The following ZNF280D variants were observed in gnomAD, a reference collection of about 807,000 sequenced individuals.
ZNF280D encodes the protein zinc finger protein 280D.
In ZNF280D, 39 loss-of-function variants were observed where a neutral mutation model predicts 94.7. That is an observed-to-expected ratio of 0.41 (90% CI 0.32 to 0.54). ZNF280D has a LOEUF of 0.54. Among genes scored for constraint, ZNF280D ranks in the 20% least tolerant of loss-of-function variants. The pLI, the probability that ZNF280D is intolerant of heterozygous loss-of-function variation, is 0.22. For synonymous variants in ZNF280D, 398 were observed against 377.6 expected (o/e 1.05, Z -0.63); for missense variants, 1,090 against 1,149.3 (o/e 0.95, Z 0.75).
chr15:56,669,902 A>ATAAT (rs1491164823), intron 13 of ZNF280D, among the ~76,000 whole-genome samples: 1 of 2,734 alleles, frequency 3.7e-4, no homozygotes, highest in Non-Finnish European at 7.5e-4. Context: ...ATATATATAT[A>ATAAT]ATATATATAT....
At position 56,724,263 on chromosome 15, in the gene ZNF280D, C is replaced by T. The variant is rs78632313; in HGVS notation, c.-86+9195G>A. ...TGCTTTCATCTCTTCAATAAAGAGC[C>T]CCCAAATTAACAATTTACTAAAATA... On this transcript the variant is annotated intron_variant, in intron 1 of 21. Transcript: ENST00000267807. Among the ~76,000 whole-genome samples, 554 of 152,242 alleles carry T rather than the reference C, an allele frequency of 3.6e-3. 3 individuals are homozygous for T. The highest frequency in any genetic ancestry group is 0.013 in the African/African-American group (530 of 41,520).
chr15:56,674,154 G>C (rs1771484411), intron 13 of ZNF280D, among the ~76,000 whole-genome samples: 1 of 152,018 alleles, frequency 6.6e-6, no homozygotes, highest in East Asian at 1.9e-4. Context: ...GAAAGCAAGA[G>C]ATTAACAGAG....
intron 1 of ZNF280D, among the ~76,000 whole-genome samples, chr15:56,727,914 T>C (rs2141487812): frequency 6.6e-6 from 1 of 152,312 alleles, no homozygotes; most frequent in East Asian, 1.9e-4. Flanking sequence ...TCTCATCCAG[T>C]GGGAAGAACT....
intron 3 of ZNF280D, among the ~76,000 whole-genome samples, chr15:56,706,707 T>C (rs1269466574): frequency 1.3e-5 from 2 of 152,180 alleles, no homozygotes; most frequent in African/African-American, 4.8e-5. Context: ...TACAAAGGTC[T>C]TCCTTGTTCT....
intron 1 of ZNF280D, among the ~76,000 whole-genome samples, chr15:56,715,222 T>C (rs1480413067): frequency 2.6e-5 from 4 of 152,196 alleles, no homozygotes; most frequent in Non-Finnish European, 5.9e-5. Flanking sequence ...GGAAATACCC[T>C]ATCATGGAAG....
chr15:56,675,913 T>C (rs2055198663), intron 13 of ZNF280D, among the ~76,000 whole-genome samples: 1 of 152,052 alleles, frequency 6.6e-6, no homozygotes, highest in South Asian at 2.1e-4. Flanking sequence ...ACTGTTGTTC[T>C]TTCAAGCACG....
At chr15:56,727,820 G>A (rs2058701328) in intron 1 of ZNF280D, among the ~76,000 whole-genome samples, 1 of 152,124 alleles carries the variant, frequency 6.6e-6, no homozygotes, top group Non-Finnish European at 1.5e-5. Flanking sequence ...CTGAGTCCTT[G>A]GATGAGTTAC....
intron 13 of ZNF280D, among the ~76,000 whole-genome samples, chr15:56,670,960 G>A (rs553955577): frequency 4.0e-5 from 6 of 151,790 alleles, no homozygotes; most frequent in South Asian, 2.1e-4. Flanking sequence ...TCATATCATT[G>A]TTGGCCGCAT....
At chr15:56,638,107 C>A (rs1298056379) in intron 20 of ZNF280D, among the ~76,000 whole-genome samples, 1 of 152,014 alleles carries the variant, frequency 6.6e-6, no homozygotes, top group Admixed American at 6.6e-5. Flanking sequence ...ACAAAGTGAG[C>A]CTGTCATATC....
At chr15:56,660,036 T>C (rs1456187345) in intron 16 of ZNF280D, among the ~76,000 whole-genome samples, 2 of 152,172 alleles carry the variant, frequency 1.3e-5, no homozygotes, top group Non-Finnish European at 2.9e-5. Flanking sequence ...AATAGTCATT[T>C]CTTCAACCTA....
chr15:56,647,617 C>G (rs1174543238), intron 19 of ZNF280D, among the ~76,000 whole-genome samples: 1 of 152,126 alleles, frequency 6.6e-6, no homozygotes, highest in Non-Finnish European at 1.5e-5. Flanking sequence ...CTGTAACCTC[C>G]ACATCCCAGG....
At chr15:56,695,405 T>C (rs1178301148) in intron 6 of ZNF280D, among the ~76,000 whole-genome samples, 1 of 152,110 alleles carries the variant, frequency 6.6e-6, no homozygotes, top group Admixed American at 6.5e-5. Flanking sequence ...TATTCCATTT[T>C]TAAGAATTTA....
intron 16 of ZNF280D, among the ~76,000 whole-genome samples, chr15:56,658,751 C>T (rs1306368697): frequency 2.0e-5 from 3 of 152,032 alleles, no homozygotes; most frequent in African/African-American, 4.8e-5. Flanking sequence ...AAAGGAAATA[C>T]TGAGAATTAA....
intron 1 of ZNF280D, among the ~76,000 whole-genome samples, chr15:56,712,906 A>G (rs879525303): frequency 4.0e-5 from 6 of 151,890 alleles, no homozygotes; most frequent in South Asian, 2.1e-4. Flanking sequence ...ATGCCCAACT[A>G]ATTTTGTATT....
At chr15:56,732,890 G>A (rs2058968527) in intron 1 of ZNF280D, 1 of 152,164 alleles carries the variant, frequency 6.6e-6, no homozygotes, top group Non-Finnish European at 1.5e-5. Flanking sequence ...GACAATAACG[G>A]GAATTCTATG....
chr15:56,727,175 TAAG>T (rs1276978576), intron 1 of ZNF280D, among the ~76,000 whole-genome samples: 29 of 152,314 alleles, frequency 1.9e-4, no homozygotes, highest in African/African-American at 6.7e-4. Context: ...CTCCCTGTTA[TAAG>T]AAGGAAACTG....
chr15:56,652,622 G>T (rs1037843384), intron 19 of ZNF280D: 24 of 984,450 alleles, frequency 2.4e-5, no homozygotes, highest in Middle Eastern at 5.2e-4. Context: ...GTCACCATAT[G>T]TATGTTTTTT....
intron 6 of ZNF280D, among the ~76,000 whole-genome samples, chr15:56,694,288 GACACATAC>G (rs2056602903): frequency 9.0e-6 from 1 of 111,706 alleles, no homozygotes; most frequent in African/African-American, 3.6e-5. Context: ...TAAATATAAT[GACACATAC>G]ACACACACAC....
chr15:56,649,263 G>T (rs2053073551), intron 19 of ZNF280D, among the ~76,000 whole-genome samples: 1 of 152,120 alleles, frequency 6.6e-6, no homozygotes, highest in Admixed American at 6.6e-5. Flanking sequence ...TGAAAAAAAT[G>T]GTAGTAACCT....
Sources: gnomAD v4.1 joint callset for allele counts (sites outside exome capture counted in the v4.1 genomes callset) on GRCh38, gnomAD v4.1.1 for gene constraint, MANE v1.5 for transcripts, NCBI Gene and HGNC (gene_info 2026-07-23, HGNC 2026-07-21) for gene names.